Variants in EML1 observed in about 807,000 individuals in gnomAD.
The protein encoded by EML1 is echinoderm microtubule-associated protein-like 1.
EML1 carries 27 observed loss-of-function variants against 110.4 expected under a neutral mutation model. The ratio of observed to expected loss-of-function variants is 0.24; its 90% CI spans 0.18 to 0.34. EML1 has a LOEUF of 0.34. Among genes scored for constraint, EML1 ranks in the 10% least tolerant of loss-of-function variants. The probability of loss-of-function intolerance (pLI) is 1.00; values close to 1 mark genes in which losing one functional copy is unlikely to be tolerated. For synonymous variants in EML1, 344 were observed against 385.8 expected, an observed-to-expected ratio of 0.89 and a Z score of 1.27; for missense variants, 741 against 1,030.9, an observed-to-expected ratio of 0.72 and a Z score of 3.85.
intron 6 of EML1, 146 bp from the exon 7 acceptor site, chr14:99,896,999 T>G: frequency 1.5e-6 from 1 of 646,416 alleles, no homozygotes; most frequent in Non-Finnish European, 2.3e-6. Context: ...GTATTTGTCA[T>G]GGAATATTTG....
chr14:99,919,965 A>T (rs1473572532), intron 16 of EML1, among the ~76,000 whole-genome samples: 1 of 152,184 alleles, frequency 6.6e-6, no homozygotes, highest in African/African-American at 2.4e-5. Context: ...CTGCAGCAAC[A>T]GTTTATCCAT....
At chr14:99,852,119 A>G (rs760536631) in intron 2 of EML1, among the ~76,000 whole-genome samples, 1 of 152,164 alleles carries the variant, frequency 6.6e-6, no homozygotes, top group Non-Finnish European at 1.5e-5. Context: ...CAATTAGACA[A>G]TGTTGGAAAT....
intron 1 of EML1, among the ~76,000 whole-genome samples, chr14:99,822,888 C>T (rs2058287621): frequency 6.6e-6 from 1 of 152,226 alleles, no homozygotes; most frequent in Non-Finnish European, 1.5e-5. Flanking sequence ...GCTGAAGCGT[C>T]TCTCCAGTCT....
chr14:99,832,582 C>G (rs1040439156), intron 1 of EML1, among the ~76,000 whole-genome samples: 3 of 152,176 alleles, frequency 2.0e-5, no homozygotes, highest in African/African-American at 7.2e-5. Context: ...GGTGATAACT[C>G]ATTTCGGTTT....
chr14:99,823,748 C>T (rs2058303515), intron 1 of EML1, among the ~76,000 whole-genome samples: 1 of 152,020 alleles, frequency 6.6e-6, no homozygotes. Context: ...AGAGAGTTCC[C>T]TGGAGGGTTG....
intron 1 of EML1, among the ~76,000 whole-genome samples, chr14:99,747,187 CAAAAAAAA>C (rs35376029): frequency 1.0e-5 from 1 of 95,580 alleles, no homozygotes; most frequent in Non-Finnish European, 1.9e-5. Flanking sequence ...GACCCCGTCT[CAAAAAAAA>C]AAAAAAAAAA....
intron 4 of EML1, chr14:99,886,034 G>T (rs2059468326): frequency 2.9e-6 from 1 of 343,902 alleles, no homozygotes; most frequent in Non-Finnish European, 5.7e-6. Flanking sequence ...AAAGTCTCCA[G>T]CAACTTCTAA....
At chr14:99,787,268 CTTTTTTTTTT>C (rs34680462) in intron 1 of EML1, among the ~76,000 whole-genome samples, 6 of 101,612 alleles carry the variant, frequency 5.9e-5, no homozygotes. Context: ...CTCTGAGATT[CTTTTTTTTTT>C]TTTTTTTTTT....
rs145112144 is a variant in EML1 at position 99,754,242 on chromosome 14, G to A, written c.28+16382G>A. On this transcript the variant is annotated intron_variant, in intron 1 of 10. Coordinates refer to the EML1 transcript ENST00000554479. ...TGTTTATCTGTCCCAGCACTAAGCT[G>A]CTTCTTGTGACATCATCTTAATCCT... 3.9e-3 allele frequency among the ~76,000 whole-genome samples: 589 copies of A among 152,366 alleles called. 2 individuals carry two copies. The highest frequency in any genetic ancestry group is 0.024 in the Middle Eastern group (7 of 294).
chr14:99,911,892 TTTTC>T (rs1555403825), intron 13 of EML1, among the ~76,000 whole-genome samples: 1 of 149,398 alleles, frequency 6.7e-6, no homozygotes, highest in Non-Finnish European at 1.5e-5. Flanking sequence ...CTTTTTCTTT[TTTTC>T]TTTCTTTCTT....
At chr14:99,899,992 G>C (rs1015760757) in intron 8 of EML1, among the ~76,000 whole-genome samples, 8 of 152,152 alleles carry the variant, frequency 5.3e-5, no homozygotes, top group African/African-American at 1.9e-4. Flanking sequence ...TTTCTACTAG[G>C]TCCAAGGCCA....
Position 99,891,179 on chromosome 14 carries a change from T to G in EML1, c.519-20T>G. 2.5e-6 allele frequency: 4 copies of G among 1,614,068 alleles called. No individual in the cohort carries two copies. Among genetic ancestry groups the G allele is most frequent in the Non-Finnish European group, 3.4e-6 (4 of 1,179,984 alleles). On this transcript the variant is annotated intron_variant, in intron 4 of 21. Coordinates refer to ENST00000262233, the MANE Select transcript of EML1 (RefSeq NM_004434.3). ...CACCCACAGCACCCTTTAAAAACTG[T>G]TTTTCGTTTATTTTCACAGCAAACC...
chr14:99,746,886 C>T (rs1054260395), intron 1 of EML1, among the ~76,000 whole-genome samples: 6 of 152,176 alleles, frequency 3.9e-5, no homozygotes, highest in African/African-American at 7.2e-5. Flanking sequence ...CCCAAGTGGC[C>T]GGGTGCTCTG....
chr14:99,925,076 T>C (rs901805882), intron 17 of EML1, among the ~76,000 whole-genome samples: 4 of 152,166 alleles, frequency 2.6e-5, no homozygotes, highest in Admixed American at 2.6e-4. Flanking sequence ...ATGAGAGTAC[T>C]ACCGGCCTTA....
chr14:99,770,848 G>A (rs535241670), upstream of EML1, among the ~76,000 whole-genome samples: 24 of 142,784 alleles, frequency 1.7e-4, no homozygotes, highest in East Asian at 3.6e-3. Flanking sequence ...GCAGTGGCGC[G>A]ATCTCGGCTC....
intron 1 of EML1, among the ~76,000 whole-genome samples, chr14:99,842,971 G>A (rs1433503255): frequency 6.6e-6 from 1 of 152,184 alleles, no homozygotes; most frequent in Non-Finnish European, 1.5e-5. Context: ...ACAGTTCTAG[G>A]CTGGGTGTGG....
chr14:99,842,249 A>G (rs1396946848), intron 1 of EML1, among the ~76,000 whole-genome samples: 2 of 152,218 alleles, frequency 1.3e-5, no homozygotes, highest in Non-Finnish European at 1.5e-5. Context: ...AGAGATTCAA[A>G]TGGTTTGTGT....
chr14:99,829,715 A>G (rs997517277), intron 1 of EML1, among the ~76,000 whole-genome samples: 1 of 152,216 alleles, frequency 6.6e-6, no homozygotes, highest in Non-Finnish European at 1.5e-5. Flanking sequence ...CTTACTCTGT[A>G]GTAGTGACTT....
Position 99,940,135 on chromosome 14 carries a change from G to A in EML1, c.*23G>A, listed in dbSNP as rs376245327. On this transcript the variant is annotated 3_prime_UTR_variant, in exon 22 of 22. Coordinates refer to ENST00000262233, the MANE Select transcript of EML1 (RefSeq NM_004434.3). ...TAGTACCCACCGAGAGCTGTGGGGA[G>A]CAGCATGGGCAAGGAAGACACAGAC... 4.0e-6 allele frequency: 6 copies of A among 1,510,356 alleles called. No individual in the cohort carries two copies. The African/African-American group carries it at 7.1e-5, about 18-fold the overall frequency. 93.6% of individuals were successfully genotyped at this position (1,510,356 alleles called of 1,614,324 possible).
Sources: gnomAD v4.1 joint callset for allele counts (sites outside exome capture counted in the v4.1 genomes callset) on GRCh38, gnomAD v4.1.1 for gene constraint, MANE v1.5 for transcripts, NCBI Gene and HGNC (gene_info 2026-07-23, HGNC 2026-07-21) for gene names.